The following CHST9 variants were observed in gnomAD, a reference collection of about 807,000 sequenced individuals.
CHST9 encodes the protein carbohydrate sulfotransferase 9, also known as GalNAc-4-sulfotransferase 2.
In CHST9, 41 loss-of-function variants were observed where a neutral mutation model predicts 44.4. The observed-to-expected ratio is 0.92, with a 90% CI of 0.72 to 1.20. The LOEUF is 1.20. CHST9 is among the 50% of genes most tolerant of loss of function. The pLI is 0.00. For synonymous variants in CHST9, 171 were observed against 178.4 expected, an observed-to-expected ratio of 0.96 and a Z score of 0.33; for missense variants, 504 against 516.5, an observed-to-expected ratio of 0.98 and a Z score of 0.23.
At chr18:26,992,679 T>A (rs913028744) in intron 4 of CHST9, among the ~76,000 whole-genome samples, 1 of 152,096 alleles carries the variant, frequency 6.6e-6, no homozygotes, top group African/African-American at 2.4e-5. Flanking sequence ...TTATATTTGG[T>A]ATTGACTAAA....
chr18:27,175,618 CTTAT>C (rs766369668), intron 1 of CHST9, among the ~76,000 whole-genome samples: 7 of 151,968 alleles, frequency 4.6e-5, no homozygotes, highest in African/African-American at 1.7e-4. Context: ...ATTTTATTTA[CTTAT>C]TTGTGTATTT....
In CHST9 at chr18:27,000,622, G is replaced by GTCTATCTACCTACCTA. The variant is rs1555675551; in HGVS notation, c.202+23493_202+23494insTAGGTAGGTAGATAGA. Reference sequence around the variant, plus strand: ...TTTCTCTCCATCATTTATTTGTTTTGTCTATCTATCTATCTATCTATCTAT... The same window carrying GTCTATCTACCTACCTA: ...TTTCTCTCCATCATTTATTTGTTTTGTCTATCTACCTACCTATCTATCTATCTATCTATCTATCTAT... On this transcript the variant is annotated intron_variant, in intron 4 of 5. Transcript: ENST00000618847. Among the ~76,000 whole-genome samples, 218 of 147,604 alleles carry GTCTATCTACCTACCTA rather than the reference G, an allele frequency of 1.5e-3. 1 individual carries two copies. The highest frequency in any genetic ancestry group is 5.2e-3 in the African/African-American group (210 of 40,468).
At chr18:27,077,026 T>C (rs2057911743) in intron 2 of CHST9, among the ~76,000 whole-genome samples, 1 of 152,252 alleles carries the variant, frequency 6.6e-6, no homozygotes. Context: ...AGTCCATCTA[T>C]ATTTTATACT....
At chr18:27,013,902 T>C (rs1158642661) in intron 4 of CHST9, among the ~76,000 whole-genome samples, 19 of 152,222 alleles carry the variant, frequency 1.2e-4, no homozygotes, top group Admixed American at 1.1e-3. Flanking sequence ...CTTTCTTTTA[T>C]GTAAAAGTAG....
intron 2 of CHST9, among the ~76,000 whole-genome samples, chr18:27,123,863 C>A (rs990179499): frequency 2.6e-5 from 4 of 152,194 alleles, no homozygotes; most frequent in Non-Finnish European, 5.9e-5. Context: ...AAAATACTAT[C>A]CTGTCACATT....
At chr18:27,046,873 T>G (rs537287094) in intron 3 of CHST9, among the ~76,000 whole-genome samples, 2 of 152,216 alleles carry the variant, frequency 1.3e-5, no homozygotes, top group East Asian at 3.9e-4. Context: ...ACAGATCAGA[T>G]AGGGCAAATT....
At chr18:26,958,986 G>A (rs1182064250) in intron 4 of CHST9, among the ~76,000 whole-genome samples, 1 of 152,100 alleles carries the variant, frequency 6.6e-6, no homozygotes, top group African/African-American at 2.4e-5. Context: ...ACAAAAGAAA[G>A]AAATTGTTCT....
intron 4 of CHST9, among the ~76,000 whole-genome samples, chr18:26,979,995 G>A (rs2056672285): frequency 6.6e-6 from 1 of 152,210 alleles, no homozygotes; most frequent in South Asian, 2.1e-4. Flanking sequence ...ATTTTGACAT[G>A]TATTTTCCAA....
chr18:27,072,745 T>TAA (rs925187176), intron 2 of CHST9, among the ~76,000 whole-genome samples: 1 of 152,202 alleles, frequency 6.6e-6, no homozygotes, highest in African/African-American at 2.4e-5. Context: ...GAAGACTTTT[T>TAA]AGTCCAGTTT....
chr18:27,072,697 C>T (rs912351923), intron 2 of CHST9, among the ~76,000 whole-genome samples: 1 of 152,142 alleles, frequency 6.6e-6, no homozygotes, highest in South Asian at 2.1e-4. Context: ...CTAACAGATA[C>T]AAAAGGCTTT....
intron 2 of CHST9, among the ~76,000 whole-genome samples, chr18:27,079,451 A>G (rs1389356115): frequency 6.6e-6 from 1 of 152,216 alleles, no homozygotes; most frequent in East Asian, 1.9e-4. Flanking sequence ...CTTTGATGAT[A>G]TAATATTTTC....
intron 4 of CHST9, among the ~76,000 whole-genome samples, chr18:27,009,332 A>G (rs1394381967): frequency 6.6e-6 from 1 of 151,778 alleles, no homozygotes; most frequent in East Asian, 1.9e-4. Context: ...ATGACAAAGA[A>G]CTCTTTCCTA....
chr18:27,169,842 C>T (rs1276484689), intron 1 of CHST9, among the ~76,000 whole-genome samples: 3 of 151,978 alleles, frequency 2.0e-5, no homozygotes, highest in Non-Finnish European at 2.9e-5. Context: ...CTCCTAACGT[C>T]GTGATCCTCC....
chr18:27,129,215 C>A (rs1054752214), intron 2 of CHST9, among the ~76,000 whole-genome samples: 1 of 152,106 alleles, frequency 6.6e-6, no homozygotes, highest in Non-Finnish European at 1.5e-5. Context: ...ACAGACAGAA[C>A]ACTTAATGAA....
chr18:26,979,008 T>TA (rs2056659797), intron 4 of CHST9, among the ~76,000 whole-genome samples: 2 of 151,284 alleles, frequency 1.3e-5, no homozygotes, highest in Non-Finnish European at 3.0e-5. Flanking sequence ...CCGTTTTTTT[T>TA]ATTTATTTTA....
intron 2 of CHST9, among the ~76,000 whole-genome samples, chr18:27,081,331 A>T (rs1376977155): frequency 6.6e-6 from 1 of 152,170 alleles, no homozygotes; most frequent in Non-Finnish European, 1.5e-5. Context: ...TGACAGAGTG[A>T]GACCCTGACT....
chr18:27,184,116 A>T (rs554349711), intron 1 of CHST9, among the ~76,000 whole-genome samples: 1 of 152,216 alleles, frequency 6.6e-6, no homozygotes, highest in Non-Finnish European at 1.5e-5. Flanking sequence ...GCGAAAAGGG[A>T]GTCCTGTTAA....
At chr18:26,972,750 G>A (rs2056566035) in intron 4 of CHST9, among the ~76,000 whole-genome samples, 1 of 152,212 alleles carries the variant, frequency 6.6e-6, no homozygotes, top group Non-Finnish European at 1.5e-5. Flanking sequence ...GCAAGACAGT[G>A]ATCCAGATGA....
At chr18:27,114,088 G>C (rs866175006) in intron 2 of CHST9, among the ~76,000 whole-genome samples, 2 of 152,180 alleles carry the variant, frequency 1.3e-5, no homozygotes, top group South Asian at 4.1e-4. Context: ...AGGATATAAA[G>C]AGACAAACTG....
Sources: gnomAD v4.1 joint callset for allele counts (sites outside exome capture counted in the v4.1 genomes callset) on GRCh38, gnomAD v4.1.1 for gene constraint, MANE v1.5 for transcripts, NCBI Gene and HGNC (gene_info 2026-07-23, HGNC 2026-07-21) for gene names.